RORA: variants seen among roughly 807,000 people sequenced by gnomAD.
The protein encoded by RORA is nuclear receptor ROR-alpha.
In RORA, 7 loss-of-function variants were observed where a neutral mutation model predicts 69.5. The ratio of observed to expected loss-of-function variants is 0.10; its 90% CI spans 0.06 to 0.19. RORA has a LOEUF of 0.19. Ranked by LOEUF, RORA falls within the 10% of genes least tolerant of loss-of-function variation. The probability of loss-of-function intolerance (pLI) is 1.00; values close to 1 mark genes in which losing one functional copy is unlikely to be tolerated. For synonymous variants in RORA, 261 were observed against 240.8 expected (o/e 1.08, Z -0.78); for missense variants, 457 against 663.0 (o/e 0.69, Z 3.41).
chr15:61,057,040 C>T (rs951187074), intron 1 of RORA, among the ~76,000 whole-genome samples: 2 of 152,138 alleles, frequency 1.3e-5, no homozygotes, highest in African/African-American at 2.4e-5. Flanking sequence ...ACAACAGAAC[C>T]GGTGGTGATG....
At chr15:61,069,037 C>G (rs148375471) in intron 1 of RORA, among the ~76,000 whole-genome samples, 1 of 152,174 alleles carries the variant, frequency 6.6e-6, no homozygotes, top group African/African-American at 2.4e-5. Context: ...ATACTGACAT[C>G]TGAATCTCTT....
chr15:60,900,954 A>C (rs1016595014), intron 1 of RORA, among the ~76,000 whole-genome samples: 10 of 152,136 alleles, frequency 6.6e-5, no homozygotes, highest in African/African-American at 2.4e-4. Context: ...GTTACATGTA[A>C]AGTATCTGCC....
At chr15:60,940,755 G>A (rs1442140686) in intron 1 of RORA, among the ~76,000 whole-genome samples, 1 of 152,104 alleles carries the variant, frequency 6.6e-6, no homozygotes, top group East Asian at 1.9e-4. Context: ...GTGAAACCCT[G>A]TCTCTACTAA....
chr15:61,066,673 C>G (rs977742670), intron 1 of RORA, among the ~76,000 whole-genome samples: 2 of 151,576 alleles, frequency 1.3e-5, no homozygotes, highest in African/African-American at 4.8e-5. Context: ...GGTGATCCAC[C>G]CACCTTGGCC....
intron 1 of RORA, among the ~76,000 whole-genome samples, chr15:60,926,195 T>C (rs1203588182): frequency 1.3e-5 from 2 of 152,206 alleles, no homozygotes; most frequent in Admixed American, 6.5e-5. Flanking sequence ...CTTGTGCATA[T>C]AGTGACACAC....
chr15:60,831,857 T>C (rs375684371), intron 1 of RORA, among the ~76,000 whole-genome samples: 5 of 152,040 alleles, frequency 3.3e-5, no homozygotes, highest in East Asian at 1.9e-4. Flanking sequence ...GCGAGTAAGG[T>C]TCAAGGTTGC....
At chr15:60,726,696 C>T (rs541569861) in intron 1 of RORA, among the ~76,000 whole-genome samples, 75 of 152,066 alleles carry the variant, frequency 4.9e-4, no homozygotes, top group African/African-American at 1.8e-3. Context: ...TGTCTAGGGG[C>T]GGGTGGGTAT....
chr15:60,716,331 C>A (rs2140816721), intron 1 of RORA, among the ~76,000 whole-genome samples: 1 of 152,328 alleles, frequency 6.6e-6, no homozygotes, highest in African/African-American at 2.4e-5. Context: ...GAGATACCGC[C>A]TTTTGTATCA....
chr15:60,968,040 C>T (rs951589062), intron 1 of RORA, among the ~76,000 whole-genome samples: 1 of 152,188 alleles, frequency 6.6e-6, no homozygotes, highest in Non-Finnish European at 1.5e-5. Context: ...AACATCACGG[C>T]CAGTCCCTCA....
chr15:60,510,503 T>C (rs2065660020), intron 5 of RORA: 1 of 152,258 alleles, frequency 6.6e-6, no homozygotes, highest in Non-Finnish European at 1.5e-5. Context: ...ACATCAATTT[T>C]GTCACCAATA....
chr15:60,578,004 G>A (rs2068077628), intron 2 of RORA, among the ~76,000 whole-genome samples: 1 of 152,188 alleles, frequency 6.6e-6, no homozygotes, highest in Non-Finnish European at 1.5e-5. Flanking sequence ...CTAGAAAAAG[G>A]AGAGGTATTA....
intron 1 of RORA, among the ~76,000 whole-genome samples, chr15:60,704,613 A>G (rs1436444486): frequency 6.6e-6 from 1 of 152,248 alleles, no homozygotes. Context: ...ATAAAAGGAA[A>G]TAAAATAAAA....
intron 1 of RORA, among the ~76,000 whole-genome samples, chr15:61,167,730 T>C (rs370634463): frequency 1.3e-5 from 2 of 152,214 alleles, no homozygotes; most frequent in Non-Finnish European, 2.9e-5. Flanking sequence ...TTACTTTTAA[T>C]ACAGCATCTC....
chr15:60,516,814 C>CT (rs1371601177), intron 3 of RORA, among the ~76,000 whole-genome samples: 6 of 152,080 alleles, frequency 3.9e-5, no homozygotes, highest in Non-Finnish European at 8.8e-5. Flanking sequence ...TAGAAAGATC[C>CT]TAACTGTCCA....
At chr15:61,054,705 G>A (rs1450155188) in intron 1 of RORA, among the ~76,000 whole-genome samples, 1 of 152,102 alleles carries the variant, frequency 6.6e-6, no homozygotes, top group Non-Finnish European at 1.5e-5. Flanking sequence ...ATGACACTAC[G>A]AGACAAGGCA....
intron 2 of RORA, among the ~76,000 whole-genome samples, chr15:60,625,402 A>T (rs760102151): frequency 4.6e-5 from 7 of 152,250 alleles, no homozygotes; most frequent in Non-Finnish European, 8.8e-5. Context: ...CCACTTTGCA[A>T]CGTCCATTAA....
intron 1 of RORA, among the ~76,000 whole-genome samples, chr15:60,792,692 G>C (rs1402839287): frequency 6.6e-6 from 1 of 152,096 alleles, no homozygotes; most frequent in Non-Finnish European, 1.5e-5. Flanking sequence ...TGTATCTTCA[G>C]GAATAAAGAG....
chr15:60,813,925 G>A lies in RORA; in HGVS notation c.167-135239C>T, dbSNP rs185454884. Reference sequence around the variant, plus strand: ...TTTCTTTGTCTTTTAGGTAAATGTCGGATACTCAGTCCTGCTTAGTTCCAT... The same window carrying A: ...TTTCTTTGTCTTTTAGGTAAATGTCAGATACTCAGTCCTGCTTAGTTCCAT... On this transcript the variant is annotated intron_variant, in intron 1 of 10. Coordinates refer to ENST00000335670, the MANE Select transcript of RORA (RefSeq NM_134261.3). Among the ~76,000 whole-genome samples the A allele has an allele frequency of 8.8e-3, 1,332 of 151,894 alleles. 11 individuals are homozygous for A. Among genetic ancestry groups the A allele is most frequent in the Non-Finnish European group, 0.014 (935 of 67,966 alleles).
chr15:61,010,395 C>G (rs1380108535), intron 1 of RORA, among the ~76,000 whole-genome samples: 1 of 152,142 alleles, frequency 6.6e-6, no homozygotes, highest in Admixed American at 6.6e-5. Context: ...CGGTCCATAT[C>G]CTAGACCCTA....
Sources: allele counts gnomAD v4.1 joint callset (sites outside exome capture counted in the v4.1 genomes callset), GRCh38; gene constraint gnomAD v4.1.1; transcripts MANE v1.5; gene names NCBI Gene and HGNC (gene_info 2026-07-23, HGNC 2026-07-21).